Variants in ARHGEF10 observed in about 807,000 individuals in gnomAD.
The protein encoded by ARHGEF10 is Rho guanine nucleotide exchange factor 10.
ARHGEF10 carries 140 observed loss-of-function variants against 147.4 expected under a neutral mutation model. The observed-to-expected ratio is 0.95, with a 90% CI of 0.83 to 1.09. The LOEUF is 1.09. Among genes scored for constraint, ARHGEF10 ranks in the 50% least tolerant of loss-of-function variants. ARHGEF10 has a pLI of 0.00. For missense variants in ARHGEF10, 2,222 were observed against 1,752.7 expected (o/e 1.27, Z -4.78); for synonymous variants, 902 against 695.8 (o/e 1.30, Z -4.67).
intron 4 of ARHGEF10, among the ~76,000 whole-genome samples, chr8:1,863,562 G>A (rs1585308989): frequency 6.6e-6 from 1 of 152,188 alleles, no homozygotes; most frequent in Non-Finnish European, 1.5e-5. Flanking sequence ...GGTGCCACGC[G>A]GCTGGGCGGT....
At chr8:1,884,244 A>G (rs1035449478) in intron 10 of ARHGEF10, among the ~76,000 whole-genome samples, 2 of 152,104 alleles carry the variant, frequency 1.3e-5, no homozygotes, top group African/African-American at 4.8e-5. Context: ...ATACAAAAAA[A>G]AATTAGCTGG....
At chr8:1,945,380 C>A in intron 26 of ARHGEF10, 101 bp from the exon 27 acceptor site, 1 of 1,396,752 alleles carries the variant, frequency 7.2e-7, no homozygotes, top group Non-Finnish European at 9.9e-7. Flanking sequence ...TACTGTGTTG[C>A]AGCCACTGAA....
chr8:1,926,534 A>T (rs1303353477), intron 23 of ARHGEF10, 71 bp downstream of exon 23: 1 of 1,423,736 alleles, frequency 7.0e-7, no homozygotes. Context: ...GTGATGAGAG[A>T]CTGAGATGTG....
At chr8:1,848,139 A>C (rs1255665063) in intron 2 of ARHGEF10, among the ~76,000 whole-genome samples, 3 of 152,318 alleles carry the variant, frequency 2.0e-5, no homozygotes, top group Non-Finnish European at 4.4e-5. Flanking sequence ...CAGAAAATTG[A>C]AGTGTTCTAT....
In ARHGEF10 at chr8:1,933,103, A is replaced by G. The variant is rs180771691; in HGVS notation, c.3080-697A>G. On this transcript the variant is annotated intron_variant, in intron 25 of 28. Transcript: ENST00000349830. ...AGACCTTGTCAGTAGATCTTTGGATATATTTTCAAACCAGAATATTTCACG... is the reference window on the plus strand; with the variant it reads ...AGACCTTGTCAGTAGATCTTTGGATGTATTTTCAAACCAGAATATTTCACG... Among the ~76,000 whole-genome samples the G allele has an allele frequency of 2.4e-4, 36 of 152,368 alleles. 1 individual carries two copies. In the East Asian group the frequency reaches 6.8e-3, roughly 29 times the overall value.
chr8:1,898,137 G>C (rs535720169), intron 14 of ARHGEF10, among the ~76,000 whole-genome samples: 23 of 152,296 alleles, frequency 1.5e-4, no homozygotes, highest in African/African-American at 5.1e-4. Flanking sequence ...ACTATGGCCA[G>C]AACACAGACA....
At chr8:1,851,207 A>G (rs1012517603) in intron 2 of ARHGEF10, among the ~76,000 whole-genome samples, 4 of 126,812 alleles carry the variant, frequency 3.2e-5, no homozygotes, top group Admixed American at 2.3e-4. Context: ...ACATCATTAC[A>G]CGCCTGTCCA....
chr8:1,910,999 T>A (rs970475262), intron 18 of ARHGEF10, among the ~76,000 whole-genome samples: 1 of 152,192 alleles, frequency 6.6e-6, no homozygotes. Flanking sequence ...TAAAGCAGGG[T>A]GATTCAACCC....
chr8:1,837,082 T>G (rs1473142893), intron 1 of ARHGEF10, among the ~76,000 whole-genome samples: 3 of 152,256 alleles, frequency 2.0e-5, no homozygotes, highest in Non-Finnish European at 4.4e-5. Flanking sequence ...ATAGAAATTT[T>G]CCTTCTTAGG....
At chr8:1,848,788 T>C (rs1449344346) in intron 2 of ARHGEF10, among the ~76,000 whole-genome samples, 1 of 152,218 alleles carries the variant, frequency 6.6e-6, no homozygotes, top group South Asian at 2.1e-4. Flanking sequence ...TCTTTTTTTT[T>C]CCCCTTGAAG....
chr8:1,876,399 C>A, intron 7 of ARHGEF10, 172 bp from the exon 8 acceptor site: 2 of 688,076 alleles, frequency 2.9e-6, no homozygotes, highest in South Asian at 3.5e-5. Flanking sequence ...GTGGTGGAGG[C>A]GCTGCACGGT....
intron 2 of ARHGEF10, 69 bp from the exon 3 acceptor site, chr8:1,857,879 GATCTATCTATCT>G (rs35698984): frequency 5.8e-4 from 344 of 594,360 alleles, no homozygotes; most frequent in South Asian, 1.3e-3. Context: ...TAGATCGATC[GATCTATCTATCT>G]ATCTATCTAT....
In ARHGEF10 at chr8:1,832,049, C is replaced by G. The variant is rs1378191376; in HGVS notation, c.-48+7936C>G. On this transcript the variant is annotated intron_variant, in intron 1 of 28. Transcript: ENST00000349830. ...AGGAGTCTGTGGAATGCGGTGCTTC[C>G]TCCTGACTGTGGGGCTGGAGGAGCA... is the stretch of plus-strand genomic sequence containing the variant. 3.3e-5 allele frequency among the ~76,000 whole-genome samples: 5 copies of G among 152,264 alleles called. 1 individual carries two copies. In the East Asian group the frequency reaches 9.7e-4, roughly 29 times the overall value.
intron 23 of ARHGEF10, 66 bp from the exon 24 acceptor site, chr8:1,928,361 G>A (rs1348752040): frequency 3.9e-5 from 58 of 1,473,812 alleles, no homozygotes; most frequent in Non-Finnish European, 5.3e-5. Flanking sequence ...TAAGGGTCAG[G>A]TTCCAGCGTA....
rs565735143 is a variant in ARHGEF10, at chr8:1,839,039, G to C, written c.-47-4314G>C. ...GATGTGGGGACTGTCCAGCGTGGAA[G>C]CTGTCTGGTGTGGAAGCTGTCCGAT... On this transcript the variant is annotated intron_variant, in intron 1 of 28. Transcript: ENST00000349830. Among the ~76,000 whole-genome samples, 7 of 152,032 alleles carry C rather than the reference G, an allele frequency of 4.6e-5. No individual in the cohort carries two copies. The South Asian group carries it at 1.2e-3, about 27-fold the overall frequency.
intron 15 of ARHGEF10, among the ~76,000 whole-genome samples, chr8:1,902,156 C>T (rs183889144): frequency 2.0e-5 from 3 of 152,108 alleles, no homozygotes; most frequent in Non-Finnish European, 4.4e-5. Context: ...CCTCACCCCC[C>T]GCCCCGCAAC....
chr8:1,898,560 C>T (rs377511785), intron 15 of ARHGEF10, 35 bp downstream of exon 15: 4 of 1,589,572 alleles, frequency 2.5e-6, no homozygotes, highest in Admixed American at 3.3e-5. Context: ...CAAGCTAGTC[C>T]TCTGGCTCGC....
chr8:1,942,744 G>A (rs1814209860), intron 26 of ARHGEF10, among the ~76,000 whole-genome samples: 2 of 152,210 alleles, frequency 1.3e-5, no homozygotes, highest in African/African-American at 4.8e-5. Context: ...CATGAGGATT[G>A]GTTTCAGCCA....
chr8:1,834,496 G>C (rs752874484), intron 1 of ARHGEF10, among the ~76,000 whole-genome samples: 38 of 152,138 alleles, frequency 2.5e-4, no homozygotes, highest in Non-Finnish European at 4.9e-4. Context: ...GCGCTCTGAG[G>C]CCAAATCCAG....
Sources: gnomAD v4.1 joint callset for allele counts (sites outside exome capture counted in the v4.1 genomes callset) on GRCh38, gnomAD v4.1.1 for gene constraint, MANE v1.5 for transcripts, NCBI Gene and HGNC (gene_info 2026-07-23, HGNC 2026-07-21) for gene names.